SYK: variants seen among roughly 807,000 people sequenced by gnomAD.
The protein encoded by SYK is spleen associated tyrosine kinase.
Under a neutral mutation model 77.8 loss-of-function variants are expected in SYK, and 16 were observed. That is an observed-to-expected ratio of 0.21 (90% CI 0.14 to 0.31). SYK has a LOEUF of 0.31. Ranked by LOEUF, SYK falls within the 10% of genes least tolerant of loss-of-function variation. The pLI is 1.00. For missense variants in SYK, 529 were observed against 814.4 expected (o/e 0.65, Z 4.26); for synonymous variants, 312 against 308.7 (o/e 1.01, Z -0.11).
intron 11 of SYK, among the ~76,000 whole-genome samples, chr9:90,885,495 A>C (rs572109075): frequency 9.1e-4 from 139 of 152,316 alleles, no homozygotes; most frequent in African/African-American, 3.2e-3. Context: ...TAAAGAGAAA[A>C]GAATAAAAAA....
intron 7 of SYK, among the ~76,000 whole-genome samples, chr9:90,871,924 C>T (rs1324545651): frequency 2.6e-5 from 4 of 152,146 alleles, no homozygotes; most frequent in Admixed American, 1.3e-4. Flanking sequence ...TTCTAATTTC[C>T]GAGGAAGATC....
At chr9:90,866,972 C>G (rs1179502218) in intron 6 of SYK, among the ~76,000 whole-genome samples, 159 bp from the exon 7 acceptor site, 2 of 152,160 alleles carry the variant, frequency 1.3e-5, no homozygotes, top group African/African-American at 4.8e-5. Flanking sequence ...AGAAGCCTTC[C>G]CAATGATCAG....
chr9:90,826,633 C>A (rs957590967), intron 1 of SYK, among the ~76,000 whole-genome samples: 6 of 152,194 alleles, frequency 3.9e-5, no homozygotes, highest in African/African-American at 1.4e-4. Flanking sequence ...GGAGAGGGTT[C>A]CTTTTTATCT....
chr9:90,843,858 G>T lies in SYK; in HGVS notation c.-41G>T. 6.9e-7 allele frequency: 1 copy of T among 1,444,282 alleles called. No individual in the cohort carries two copies. The highest frequency in any genetic ancestry group is 2.5e-5 in the East Asian group (1 of 40,100). The allele number at this position is 1,444,282 out of a possible 1,614,324, so 89.5% of individuals were successfully genotyped here. A position where few individuals can be genotyped will look rare whatever the true frequency, so the allele number is the denominator to read the frequency against. ...AGTTCTCTGTCTCTGTCTTGCCCAG[G>T]TGGACACCTGCGCAGGTGTGTGCCC... is the stretch of plus-strand genomic sequence containing the variant. On this transcript the variant is annotated splice_region_variant and 5_prime_UTR_variant, in exon 2 of 14. Coordinates refer to ENST00000375754, the MANE Select transcript of SYK (RefSeq NM_003177.7).
intron 1 of SYK, among the ~76,000 whole-genome samples, chr9:90,804,437 G>C (rs1161646318): frequency 6.6e-6 from 1 of 152,168 alleles, no homozygotes; most frequent in Non-Finnish European, 1.5e-5. Context: ...GTTTGTGTCA[G>C]TTATCTAAGC....
chr9:90,809,631 T>A (rs1461967079), intron 1 of SYK, among the ~76,000 whole-genome samples: 1 of 152,212 alleles, frequency 6.6e-6, no homozygotes, highest in African/African-American at 2.4e-5. Context: ...TTAGACACAA[T>A]CCCAAACCAA....
At chr9:90,811,641 G>A (rs963097628) in intron 1 of SYK, among the ~76,000 whole-genome samples, 6 of 152,234 alleles carry the variant, frequency 3.9e-5, no homozygotes, top group African/African-American at 1.2e-4. Flanking sequence ...TGCTGGGTTG[G>A]GTGCAATGAC....
chr9:90,846,374 C>T (rs1240562012), intron 3 of SYK, among the ~76,000 whole-genome samples: 2 of 152,182 alleles, frequency 1.3e-5, no homozygotes, highest in Non-Finnish European at 2.9e-5. Flanking sequence ...CCAGAAACAG[C>T]GATGCAGCCT....
chr9:90,895,337 C>T lies in SYK; in HGVS notation c.1836-191C>T, dbSNP rs1828942423. Among the ~76,000 whole-genome samples the T allele has an allele frequency of 6.6e-6, 1 of 152,130 alleles. No homozygotes were observed. The highest frequency in any genetic ancestry group is 6.5e-5 in the Admixed American group (1 of 15,280). On this transcript the variant is annotated intron_variant, in intron 13 of 13. Transcript: ENST00000375754. The surrounding 1 kb of genome is among the most constrained non-coding windows in gnomAD (Gnocchi z 4.4). ...ATGGGTTATTTAGGTCTACAGTAGG[C>T]CGACACTATTTTTGACAGCCTTGTG... is the stretch of plus-strand genomic sequence containing the variant.
At position 90,874,799 on chromosome 9, in the gene SYK, G is replaced by A; in HGVS notation, c.1131G>A (p.Leu377=). 6.2e-7 allele frequency: 1 copy of A among 1,614,066 alleles called. No individual in the cohort carries two copies. Among genetic ancestry groups the A allele is most frequent in the African/African-American group, 1.3e-5 (1 of 74,982 alleles). Residue 377 remains leucine (L), a synonymous_variant, in exon 9 of 14, where the codon CTG becomes CTA. Transcript: ENST00000375754. ...RKLLTLEDKE[L]GSGNFGTVKK... The stretch of plus-strand genomic sequence containing the variant: ...TGCTGACGCTGGAAGACAAAGAACT[G>A]GGCTCTGGTAATTTTGGAACTGTGA...
At chr9:90,843,061 G>T (rs977202028) in intron 1 of SYK, among the ~76,000 whole-genome samples, 1 of 152,266 alleles carries the variant, frequency 6.6e-6, no homozygotes, top group Non-Finnish European at 1.5e-5. Flanking sequence ...GTCCTCGTGG[G>T]CTGGGAACCG....
At chr9:90,848,026 G>A (rs888092974) in intron 3 of SYK, among the ~76,000 whole-genome samples, 2 of 152,204 alleles carry the variant, frequency 1.3e-5, no homozygotes, top group African/African-American at 4.8e-5. Context: ...GTTGCTGGGT[G>A]TGTAAACCTT....
chr9:90,856,559 TA>T (rs1264694856), intron 3 of SYK, among the ~76,000 whole-genome samples: 3 of 151,916 alleles, frequency 2.0e-5, no homozygotes, highest in Admixed American at 6.6e-5. Context: ...TGATTTTTTT[TA>T]ATTACATTTT....
chr9:90,817,884 A>T (rs7040894), intron 1 of SYK, among the ~76,000 whole-genome samples: 3,953 of 30,316 alleles, frequency 0.13, 139 homozygotes, highest in African/African-American at 0.28. Flanking sequence ...TGTGTGTGTG[A>T]GAGAGAGAGA....
chr9:90,864,399 C>T (rs138911132), intron 4 of SYK, among the ~76,000 whole-genome samples, 190 bp from the exon 5 acceptor site: 1 of 152,306 alleles, frequency 6.6e-6, no homozygotes, highest in Non-Finnish European at 1.5e-5. Flanking sequence ...GCCCCTAGCC[C>T]AAGAGGGGGG....
intron 1 of SYK, among the ~76,000 whole-genome samples, chr9:90,825,097 A>G (rs1311137969): frequency 1.3e-5 from 2 of 150,492 alleles, no homozygotes; most frequent in Non-Finnish European, 2.9e-5. Context: ...AATAATTACC[A>G]TGTATAATAG....
intron 7 of SYK, among the ~76,000 whole-genome samples, chr9:90,870,522 C>G (rs1026035805): frequency 6.6e-6 from 1 of 152,158 alleles, no homozygotes; most frequent in Non-Finnish European, 1.5e-5. Flanking sequence ...CAAGTTGTAC[C>G]CTGTTGCTTG....
At chr9:90,884,872 T>C (rs1332373432) in intron 11 of SYK, among the ~76,000 whole-genome samples, 200 of 18,636 alleles carry the variant, frequency 0.011, 53 homozygotes, top group African/African-American at 0.05. Flanking sequence ...TATACATATA[T>C]ACATATATAC....
chr9:90,851,782 A>G (rs1826833444), intron 3 of SYK, among the ~76,000 whole-genome samples: 1 of 152,210 alleles, frequency 6.6e-6, no homozygotes. Context: ...TTACTTTATA[A>G]AAATTATATA....
Sources: gnomAD v4.1 joint callset for allele counts (sites outside exome capture counted in the v4.1 genomes callset) on GRCh38, gnomAD v4.1.1 for gene constraint, Gnocchi (gnomAD v3.1) non-coding constraint, MANE v1.5 for transcripts, NCBI Gene and HGNC (gene_info 2026-07-23, HGNC 2026-07-21) for gene names.